KCNJ6: variants seen among roughly 807,000 people sequenced by gnomAD.
KCNJ6 encodes the protein G protein-activated inward rectifier potassium channel 2.
KCNJ6 carries 9 observed loss-of-function variants against 34.2 expected under a neutral mutation model. That is an observed-to-expected ratio of 0.26 (90% CI 0.16 to 0.46). The LOEUF (loss-of-function observed/expected upper bound fraction) is 0.46. Ranked by LOEUF, KCNJ6 falls within the 20% of genes least tolerant of loss-of-function variation. KCNJ6 has a pLI of 1.00. For missense variants in KCNJ6, 236 were observed against 531.3 expected (o/e 0.44, Z 5.46); for synonymous variants, 196 against 207.1 (o/e 0.95, Z 0.46).
At chr21:37,677,631 G>C (rs2054570567) in intron 3 of KCNJ6, among the ~76,000 whole-genome samples, 1 of 151,914 alleles carries the variant, frequency 6.6e-6, no homozygotes, top group African/African-American at 2.4e-5. Flanking sequence ...CAAAGTATGT[G>C]TTAAAATTAT....
intron 2 of KCNJ6, among the ~76,000 whole-genome samples, chr21:37,797,725 A>G (rs1024626494): frequency 6.6e-6 from 1 of 152,148 alleles, no homozygotes; most frequent in African/African-American, 2.4e-5. Context: ...AGGTCAGCAG[A>G]TAAGTGGGTA....
chr21:37,757,990 G>A (rs1444628729), intron 2 of KCNJ6, among the ~76,000 whole-genome samples: 1 of 152,220 alleles, frequency 6.6e-6, no homozygotes. Flanking sequence ...TCCTGCGAAT[G>A]GCTTCCTGGC....
At chr21:37,772,676 G>T (rs1289801946) in intron 2 of KCNJ6, among the ~76,000 whole-genome samples, 3 of 152,004 alleles carry the variant, frequency 2.0e-5, no homozygotes, top group South Asian at 2.1e-4. Context: ...TATTTCTCTT[G>T]CTATTTACTC....
chr21:37,814,437 C>T (rs1290797048), intron 2 of KCNJ6, among the ~76,000 whole-genome samples: 1 of 152,022 alleles, frequency 6.6e-6, no homozygotes. Context: ...GGTATATATC[C>T]AAAAGAAAGG....
At chr21:37,771,161 G>C (rs1259349710) in intron 2 of KCNJ6, among the ~76,000 whole-genome samples, 1 of 152,054 alleles carries the variant, frequency 6.6e-6, no homozygotes, top group Admixed American at 6.6e-5. Flanking sequence ...GGTCTTTTAG[G>C]TATCAACATG....
intron 3 of KCNJ6, among the ~76,000 whole-genome samples, chr21:37,651,588 T>C (rs1030222679): frequency 4.6e-5 from 7 of 151,994 alleles, no homozygotes; most frequent in African/African-American, 1.7e-4. Context: ...GGAAGGGAAA[T>C]AGACTGAGCT....
At chr21:37,751,106 G>T (rs2123483155) in intron 2 of KCNJ6, among the ~76,000 whole-genome samples, 1 of 152,290 alleles carries the variant, frequency 6.6e-6, no homozygotes, top group African/African-American at 2.4e-5. Context: ...GAATATTTTT[G>T]AGGGTGCTGA....
chr21:37,908,433 G>A (rs2055851950), intron 1 of KCNJ6, among the ~76,000 whole-genome samples: 1 of 152,188 alleles, frequency 6.6e-6, no homozygotes. Flanking sequence ...CTTACAGCAT[G>A]TATCTAGCCT....
intron 1 of KCNJ6, among the ~76,000 whole-genome samples, chr21:37,877,697 G>GTCGGA (rs1343067304): frequency 6.6e-6 from 1 of 152,092 alleles, no homozygotes; most frequent in Non-Finnish European, 1.5e-5. Context: ...CCCACCTACA[G>GTCGGA]TCGGATCGGC....
rs1216722667 is a variant in KCNJ6, at chr21:37,614,105, G to A, written c.*11054C>T. The stretch of plus-strand genomic sequence containing the variant: ...ATCAAGTTTTTAAAAAAGGGGTGGA[G>A]GAAGCTATTTCCGACCAGTGAAATG... On this transcript the variant is annotated 3_prime_UTR_variant, in exon 4 of 4. Transcript: ENST00000609713. 1.3e-5 allele frequency: 2 copies of A among 152,128 alleles called. No individual in the cohort carries two copies. The highest frequency in any genetic ancestry group is 2.9e-5 in the Non-Finnish European group (2 of 68,034). 9.4% of individuals were successfully genotyped at this position (152,128 alleles called of 1,614,324 possible). A position where few individuals can be genotyped will look rare whatever the true frequency, so the allele number is the denominator to read the frequency against.
intron 3 of KCNJ6, among the ~76,000 whole-genome samples, chr21:37,680,430 T>A (rs1415910864): frequency 1.3e-5 from 2 of 152,184 alleles, no homozygotes; most frequent in African/African-American, 4.8e-5. Context: ...TTCCTGGGTA[T>A]CCAGACTATG....
At chr21:37,878,092 C>A (rs189149257) in intron 1 of KCNJ6, among the ~76,000 whole-genome samples, 2 of 152,322 alleles carry the variant, frequency 1.3e-5, no homozygotes, top group East Asian at 3.9e-4. Context: ...TGTCCTCTAT[C>A]AATCTGCACG....
At chr21:37,761,417 G>T (rs180987660) in intron 2 of KCNJ6, among the ~76,000 whole-genome samples, 2,378 of 150,726 alleles carry the variant, frequency 0.016, 35 homozygotes, top group South Asian at 0.039. Flanking sequence ...TGTGTATGTG[G>T]TGTGTGTGTT....
At chr21:37,732,417 G>T (rs769962161) in intron 2 of KCNJ6, among the ~76,000 whole-genome samples, 1 of 152,174 alleles carries the variant, frequency 6.6e-6, no homozygotes, top group Non-Finnish European at 1.5e-5. Context: ...GTGATTGCTT[G>T]GTTTTCCCAC....
intron 3 of KCNJ6, among the ~76,000 whole-genome samples, chr21:37,642,873 TA>T (rs1474760536): frequency 2.0e-5 from 3 of 152,164 alleles, no homozygotes; most frequent in African/African-American, 7.2e-5. Flanking sequence ...TCATGAAAGA[TA>T]AAAGCAGGAT....
intron 3 of KCNJ6, among the ~76,000 whole-genome samples, chr21:37,684,938 A>G (rs1430710121): frequency 1.3e-5 from 2 of 152,250 alleles, no homozygotes; most frequent in Non-Finnish European, 2.9e-5. Context: ...AATAACTTTC[A>G]CTACATAAAA....
At chr21:37,713,807 GTT>G (rs2039979888) in intron 3 of KCNJ6, among the ~76,000 whole-genome samples, 1 of 152,118 alleles carries the variant, frequency 6.6e-6, no homozygotes, top group African/African-American at 2.4e-5. Flanking sequence ...TATTAAAGCA[GTT>G]TGTCAGGCTT....
intron 2 of KCNJ6, among the ~76,000 whole-genome samples, chr21:37,794,688 G>C (rs995582150): frequency 1.3e-5 from 2 of 152,012 alleles, no homozygotes; most frequent in Non-Finnish European, 2.9e-5. Context: ...GAGAACACTT[G>C]GACACAGGGA....
rs180782535 is a variant in KCNJ6 at position 37,836,681 on chromosome 21, T to C, written c.25+3977A>G. Among the ~76,000 whole-genome samples, 224 of 152,174 alleles carry C rather than the reference T, an allele frequency of 1.5e-3. 1 individual carries two copies. The highest frequency in any genetic ancestry group is 3.4e-3 in the Middle Eastern group (1 of 294). On this transcript the variant is annotated intron_variant, in intron 2 of 3. Coordinates refer to ENST00000609713, the MANE Select transcript of KCNJ6 (RefSeq NM_002240.5). ...GCATGTTCTCACTCATAGGTGGAAG[T>C]TGAACAATGAGAACACATGGGCACA...
Sources: gnomAD v4.1 joint callset for allele counts (sites outside exome capture counted in the v4.1 genomes callset) on GRCh38, gnomAD v4.1.1 for gene constraint, MANE v1.5 for transcripts, NCBI Gene and HGNC (gene_info 2026-07-23, HGNC 2026-07-21) for gene names.